Variants in GPHN observed in about 807,000 individuals in gnomAD.
GPHN encodes gephyrin.
A neutral mutation model predicts 95.5 loss-of-function variants in GPHN; 17 were observed. That is an observed-to-expected ratio of 0.18 (90% confidence interval 0.12 to 0.27). The LOEUF is 0.27. Ranked by LOEUF, GPHN falls within the 10% of genes least tolerant of loss-of-function variation. The pLI, the probability that GPHN is intolerant of heterozygous loss-of-function variation, is 1.00. For missense variants in GPHN, 660 were observed against 978.1 expected, an observed-to-expected ratio of 0.67 and a Z score of 4.34; for synonymous variants, 320 against 322.5, an observed-to-expected ratio of 0.99 and a Z score of 0.08.
At chr14:66,603,139 T>C (rs528347913) in intron 1 of GPHN, among the ~76,000 whole-genome samples, 1 of 152,012 alleles carries the variant, frequency 6.6e-6, no homozygotes, top group Admixed American at 6.6e-5. Context: ...GAAATCCTCC[T>C]GGTACAAAAT....
chr14:67,550,604 G>T, the GPHN span, among the ~76,000 whole-genome samples: 1 of 152,204 alleles, frequency 6.6e-6, no homozygotes, highest in East Asian at 1.9e-4. Flanking sequence ...AGAGTGAGAG[G>T]TTCTAGGAAA....
intron 5 of GPHN, among the ~76,000 whole-genome samples, chr14:66,902,279 C>T (rs1036063548): frequency 6.6e-6 from 1 of 151,852 alleles, no homozygotes; most frequent in African/African-American, 2.4e-5. Context: ...AGTGGAGTCT[C>T]CAGATTTTTC....
chr14:66,816,613 A>G (rs113063879), intron 3 of GPHN, among the ~76,000 whole-genome samples: 79 of 152,326 alleles, frequency 5.2e-4, no homozygotes, highest in African/African-American at 1.6e-3. Context: ...AATGTGGACA[A>G]AGATACAACA....
chr14:66,604,271 T>C lies in GPHN; in HGVS notation c.65-76836T>C, dbSNP rs546226883. The stretch of plus-strand genomic sequence containing the variant: ...CATTTGTAAACATCTACAGCAGGAA[T>C]GTATGCCATTTAATGCTTTTGTTTT... On this transcript the variant is annotated intron_variant, in intron 1 of 22. Coordinates refer to ENST00000478722, the MANE Select transcript of GPHN (RefSeq NM_020806.5). Among the ~76,000 whole-genome samples the C allele has an allele frequency of 5.9e-5, 9 of 152,294 alleles. No individual in the cohort carries two copies. In the East Asian group the frequency reaches 1.7e-3, roughly 29 times the overall value.
At chr14:67,090,060 CTT>C (rs2077084818) in intron 12 of GPHN, among the ~76,000 whole-genome samples, 1 of 152,048 alleles carries the variant, frequency 6.6e-6, no homozygotes, top group Admixed American at 6.6e-5. Flanking sequence ...AATCTACTCT[CTT>C]AGTGATTTTC....
chr14:67,126,872 T>C (rs1413052677), intron 17 of GPHN, among the ~76,000 whole-genome samples: 1 of 151,392 alleles, frequency 6.6e-6, no homozygotes, highest in Admixed American at 6.6e-5. Flanking sequence ...ATAGACTGGA[T>C]TAAGAAAATG....
chr14:67,080,350 T>C (rs960936850), intron 11 of GPHN, among the ~76,000 whole-genome samples: 15 of 152,104 alleles, frequency 9.9e-5, no homozygotes, highest in Non-Finnish European at 1.3e-4. Flanking sequence ...TTTTCTCTCA[T>C]TTCATAGGTT....
intron 4 of GPHN, among the ~76,000 whole-genome samples, chr14:66,840,112 C>G (rs2062016399): frequency 6.6e-6 from 1 of 151,906 alleles, no homozygotes; most frequent in Admixed American, 6.6e-5. Context: ...AACCCCGTCT[C>G]TACTAAAAAT....
chr14:67,470,270 GGA>G, the GPHN span: 2 of 152,208 alleles, frequency 1.3e-5, no homozygotes, highest in Non-Finnish European at 2.9e-5. Context: ...AGCCAGTCCT[GGA>G]ACACAAACAC....
the GPHN span, chr14:67,383,171 T>C: frequency 1.2e-6 from 1 of 844,764 alleles, no homozygotes; most frequent in South Asian, 1.9e-5. Context: ...AATTTATTGC[T>C]GATAAGTCAC....
the GPHN span, among the ~76,000 whole-genome samples, chr14:67,365,540 CGTG>C: frequency 2.0e-5 from 3 of 152,204 alleles, no homozygotes; most frequent in African/African-American, 4.8e-5. Flanking sequence ...TACCAGATCT[CGTG>C]GTATCTTTCA....
Position 67,041,680 on chromosome 14 carries a change from G to C in GPHN, c.1007-16969G>C, listed in dbSNP as rs374031609. 5.3e-4 allele frequency among the ~76,000 whole-genome samples: 81 copies of C among 152,254 alleles called. 1 individual carries two copies. In the East Asian group the frequency reaches 0.012, roughly 23 times the overall value. Reference sequence around the variant, plus strand: ...GTGAATAGTGCCACAATAAACATATGTGTGCATGTGTCTTTACCATAGAAT... The same window carrying C: ...GTGAATAGTGCCACAATAAACATATCTGTGCATGTGTCTTTACCATAGAAT... On this transcript the variant is annotated intron_variant, in intron 10 of 22. Transcript: ENST00000478722.
At chr14:66,993,397 TA>T (rs1296433492) in intron 9 of GPHN, among the ~76,000 whole-genome samples, 1 of 152,170 alleles carries the variant, frequency 6.6e-6, no homozygotes, top group Non-Finnish European at 1.5e-5. Context: ...ATTGCTGTCT[TA>T]AATGTTATAT....
chr14:66,768,415 C>T (rs2059042900), intron 2 of GPHN, among the ~76,000 whole-genome samples: 1 of 151,866 alleles, frequency 6.6e-6, no homozygotes, highest in Non-Finnish European at 1.5e-5. Flanking sequence ...CTATTTCATA[C>T]CTGCTTTATT....
intron 9 of GPHN, among the ~76,000 whole-genome samples, chr14:66,967,712 A>G (rs1011760223): frequency 2.0e-5 from 3 of 151,808 alleles, no homozygotes; most frequent in Admixed American, 2.0e-4. Context: ...TTTAATAATT[A>G]TAATTTCATA....
chr14:66,909,638 G>A (rs765188440), intron 5 of GPHN, among the ~76,000 whole-genome samples: 1 of 151,910 alleles, frequency 6.6e-6, no homozygotes, highest in Non-Finnish European at 1.5e-5. Flanking sequence ...ACGACTCTTA[G>A]CAAGCAATGA....
chr14:67,079,009 A>G (rs1567300880), intron 11 of GPHN, among the ~76,000 whole-genome samples: 1 of 152,100 alleles, frequency 6.6e-6, no homozygotes, highest in Non-Finnish European at 1.5e-5. Flanking sequence ...TTTACCTTAA[A>G]TATAGCAACC....
At chr14:67,620,902 AG>A in the GPHN span, 1 of 1,614,138 alleles carries the variant, frequency 6.2e-7, no homozygotes, top group Non-Finnish European at 8.5e-7. Context: ...AGAAAAGAAA[AG>A]GAGTGGAGCA....
chr14:67,309,858 A>G, the GPHN span, among the ~76,000 whole-genome samples: 3 of 152,170 alleles, frequency 2.0e-5, no homozygotes, highest in Admixed American at 6.5e-5. Context: ...CATACTGGGT[A>G]GGCTTTCAGA....
Sources: allele counts gnomAD v4.1 joint callset (sites outside exome capture counted in the v4.1 genomes callset), GRCh38; gene constraint gnomAD v4.1.1; transcripts MANE v1.5; gene names NCBI Gene and HGNC (gene_info 2026-07-23, HGNC 2026-07-21).